The following LRRTM4 variants were observed in gnomAD, a reference collection of about 807,000 sequenced individuals.
The protein encoded by LRRTM4 is leucine-rich repeat transmembrane neuronal protein 4.
In LRRTM4, 25 loss-of-function variants were observed where a neutral mutation model predicts 47.6. That is an observed-to-expected ratio of 0.53 (90% CI 0.38 to 0.73). LRRTM4 has a LOEUF of 0.73. Ranked by LOEUF, LRRTM4 falls within the 30% of genes least tolerant of loss-of-function variation. The pLI is 0.00. For synonymous variants in LRRTM4, 311 were observed against 269.5 expected, an observed-to-expected ratio of 1.15 and a Z score of -1.51; for missense variants, 638 against 713.4, an observed-to-expected ratio of 0.89 and a Z score of 1.20.
chr2:77,209,664 T>C (rs1181794362), intron 3 of LRRTM4, among the ~76,000 whole-genome samples: 5 of 152,210 alleles, frequency 3.3e-5, no homozygotes, highest in Non-Finnish European at 7.3e-5. Flanking sequence ...AAAAATACAA[T>C]GCAAGGTTTC....
At chr2:77,440,751 T>C (rs950356032) in intron 3 of LRRTM4, among the ~76,000 whole-genome samples, 4 of 152,224 alleles carry the variant, frequency 2.6e-5, no homozygotes, top group African/African-American at 9.6e-5. Context: ...AACATCAAAC[T>C]GTGCCTATAC....
chr2:77,414,596 G>T (rs867380328), intron 3 of LRRTM4, among the ~76,000 whole-genome samples: 2 of 152,134 alleles, frequency 1.3e-5, no homozygotes, highest in Non-Finnish European at 2.9e-5. Flanking sequence ...GGTATAATTT[G>T]CCATCAGTAA....
intron 3 of LRRTM4, among the ~76,000 whole-genome samples, chr2:77,082,651 T>G (rs1680569648): frequency 6.6e-6 from 1 of 151,532 alleles, no homozygotes; most frequent in Non-Finnish European, 1.5e-5. Context: ...ATGAATATAT[T>G]TGAATTTATC....
chr2:77,416,587 A>T (rs1011069461), intron 3 of LRRTM4, among the ~76,000 whole-genome samples: 1 of 152,086 alleles, frequency 6.6e-6, no homozygotes, highest in East Asian at 1.9e-4. Flanking sequence ...CCCTCCATAA[A>T]AATAAACACA....
chr2:77,150,484 G>A (rs1383389092), intron 3 of LRRTM4, among the ~76,000 whole-genome samples: 3 of 152,136 alleles, frequency 2.0e-5, no homozygotes, highest in Non-Finnish European at 4.4e-5. Context: ...CCGATTGACT[G>A]ACTACATTTA....
chr2:77,009,848 A>G (rs1677801377), intron 3 of LRRTM4: 1 of 151,986 alleles, frequency 6.6e-6, no homozygotes. Flanking sequence ...CATTTTCCAA[A>G]CCATCTAAAG....
At chr2:77,143,397 T>C (rs1672176117) in intron 3 of LRRTM4, among the ~76,000 whole-genome samples, 1 of 152,174 alleles carries the variant, frequency 6.6e-6, no homozygotes, top group African/African-American at 2.4e-5. Context: ...TTAGCGCATA[T>C]AGAAAAGGTA....
intron 3 of LRRTM4, among the ~76,000 whole-genome samples, chr2:77,067,900 C>CA (rs1043917883): frequency 6.6e-6 from 1 of 150,984 alleles, no homozygotes; most frequent in Non-Finnish European, 1.5e-5. Context: ...TGATGACCAT[C>CA]AAAAAAAGGG....
chr2:77,451,802 T>C (rs1387634195), intron 3 of LRRTM4, among the ~76,000 whole-genome samples: 1 of 152,188 alleles, frequency 6.6e-6, no homozygotes, highest in Non-Finnish European at 1.5e-5. Context: ...GGAGGCCATT[T>C]CAGGTTAAAA....
chr2:77,356,670 G>A (rs1671979160), intron 3 of LRRTM4, among the ~76,000 whole-genome samples: 1 of 152,158 alleles, frequency 6.6e-6, no homozygotes, highest in South Asian at 2.1e-4. Context: ...ACATAAATGT[G>A]TATAATGACT....
intron 3 of LRRTM4, among the ~76,000 whole-genome samples, chr2:77,496,948 C>T (rs1678386554): frequency 6.6e-6 from 1 of 151,556 alleles, no homozygotes; most frequent in Non-Finnish European, 1.5e-5. Context: ...TGTGGGTAAG[C>T]TTGTAAGTAC....
At chr2:76,856,753 T>C (rs1672163648) in intron 3 of LRRTM4, among the ~76,000 whole-genome samples, 1 of 152,124 alleles carries the variant, frequency 6.6e-6, no homozygotes, top group African/African-American at 2.4e-5. Flanking sequence ...AAGCTAAATA[T>C]GTGCTATGAA....
At chr2:77,493,245 A>G (rs114689772) in intron 3 of LRRTM4, among the ~76,000 whole-genome samples, 2,704 of 152,208 alleles carry the variant, frequency 0.018, 84 homozygotes, top group African/African-American at 0.061. Flanking sequence ...AATATAAATG[A>G]CATAATAATA....
At chr2:77,401,073 A>C (rs1167512059) in intron 3 of LRRTM4, among the ~76,000 whole-genome samples, 1 of 151,984 alleles carries the variant, frequency 6.6e-6, no homozygotes, top group Non-Finnish European at 1.5e-5. Context: ...CACAAAGTCT[A>C]AATATTTACT....
At chr2:77,499,911 T>C (rs9309516) in intron 3 of LRRTM4, among the ~76,000 whole-genome samples, 140,885 of 151,782 alleles carry the variant, frequency 0.93, 65,427 homozygotes, top group Middle Eastern at 0.94. Flanking sequence ...GCCCTTAAAG[T>C]ATATGGTTAC....
chr2:77,269,362 T>A (rs1179302557), intron 3 of LRRTM4, among the ~76,000 whole-genome samples: 2 of 152,134 alleles, frequency 1.3e-5, no homozygotes, highest in Admixed American at 1.3e-4. Flanking sequence ...ACATAAAAAA[T>A]GTTGAATAAA....
intron 3 of LRRTM4, among the ~76,000 whole-genome samples, chr2:76,955,073 T>G (rs1675626875): frequency 6.6e-6 from 1 of 151,622 alleles, no homozygotes; most frequent in Non-Finnish European, 1.5e-5. Context: ...TTCCACGAAA[T>G]CCTAAAGGGA....
chr2:77,320,844 C>T (rs1020658037), intron 3 of LRRTM4, among the ~76,000 whole-genome samples: 1 of 151,704 alleles, frequency 6.6e-6, no homozygotes, highest in African/African-American at 2.4e-5. Flanking sequence ...TTATATTACT[C>T]CAACTATATA....
intron 3 of LRRTM4, among the ~76,000 whole-genome samples, chr2:77,185,295 C>T (rs1350448162): frequency 1.3e-5 from 2 of 152,232 alleles, no homozygotes; most frequent in East Asian, 3.9e-4. Flanking sequence ...CAGTGTCGTT[C>T]TTCGGATGAA....
Sources: allele counts gnomAD v4.1 joint callset (sites outside exome capture counted in the v4.1 genomes callset), GRCh38; gene constraint gnomAD v4.1.1; transcripts MANE v1.5; gene names NCBI Gene and HGNC (gene_info 2026-07-23, HGNC 2026-07-21).